Variants in IL1RAPL1 observed in about 807,000 individuals in gnomAD.
The protein encoded by IL1RAPL1 is interleukin 1 receptor accessory protein like 1, also known as interleukin-1 receptor accessory protein-like 1.
In IL1RAPL1, 3 loss-of-function variants were observed where a neutral mutation model predicts 48.4. The ratio of observed to expected loss-of-function variants is 0.06; its 90% CI spans 0.03 to 0.16. The LOEUF is 0.16. Ranked by LOEUF, IL1RAPL1 falls within the 10% of genes least tolerant of loss-of-function variation. The pLI is 1.00. For synonymous variants in IL1RAPL1, 185 were observed against 187.7 expected, an observed-to-expected ratio of 0.99 and a Z score of 0.12; for missense variants, 349 against 530.6, an observed-to-expected ratio of 0.66 and a Z score of 3.36.
chrX:29,617,430 C>T (rs143243692), intron 5 of IL1RAPL1, among the ~76,000 whole-genome samples: 1 of 112,144 alleles, frequency 8.9e-6, no homozygotes, highest in African/African-American at 3.2e-5. Context: ...GGGCTAGATG[C>T]AGAGTCCTCT....
chrX:29,154,644 A>G (rs775354820), intron 2 of IL1RAPL1, among the ~76,000 whole-genome samples: 1 of 112,009 alleles, frequency 8.9e-6, no homozygotes, highest in Non-Finnish European at 1.9e-5. Flanking sequence ...GTCACAATAT[A>G]AAAAATAAAC....
chrX:29,180,412 C>T (rs980692976), intron 2 of IL1RAPL1, among the ~76,000 whole-genome samples: 6 of 109,652 alleles, frequency 5.5e-5, no homozygotes, highest in Non-Finnish European at 1.1e-4. Flanking sequence ...GTTTTGCTGT[C>T]GTTGCCCAGG....
At chrX:29,347,327 A>G (rs1017484541) in intron 3 of IL1RAPL1, among the ~76,000 whole-genome samples, 8 of 109,574 alleles carry the variant, frequency 7.3e-5, no homozygotes, top group African/African-American at 2.7e-4. Context: ...CAGATAGAAA[A>G]TTTCTTCTTA....
At chrX:28,759,601 C>T (rs1936143974) in intron 1 of IL1RAPL1, among the ~76,000 whole-genome samples, 1 of 111,840 alleles carries the variant, frequency 8.9e-6, no homozygotes. Flanking sequence ...ATACATTTGG[C>T]CTGCCTTTTT....
At chrX:28,685,270 C>T (rs1935098404) in intron 1 of IL1RAPL1, among the ~76,000 whole-genome samples, 1 of 112,242 alleles carries the variant, frequency 8.9e-6, no homozygotes, top group Admixed American at 9.4e-5. Flanking sequence ...GTGAGGCCCA[C>T]CATCTCAAGC....
intron 3 of IL1RAPL1, among the ~76,000 whole-genome samples, chrX:29,307,220 G>T (rs1462656657): frequency 8.9e-6 from 1 of 111,931 alleles, no homozygotes; most frequent in Admixed American, 9.5e-5. Context: ...TAATGATGCC[G>T]CATATGTTTT....
chrX:29,897,269 C>T (rs1052711338), intron 6 of IL1RAPL1, among the ~76,000 whole-genome samples: 1 of 111,833 alleles, frequency 8.9e-6, no homozygotes, highest in African/African-American at 3.2e-5. Flanking sequence ...CTACTACTTC[C>T]ACCATTCTTA....
chrX:28,631,728 G>C (rs759646400), intron 1 of IL1RAPL1, among the ~76,000 whole-genome samples: 1 of 112,577 alleles, frequency 8.9e-6, no homozygotes, highest in Non-Finnish European at 1.9e-5. Context: ...GATTAAGAAG[G>C]TTTCAACACT....
At chrX:29,898,861 C>G (rs1490236197) in intron 6 of IL1RAPL1, among the ~76,000 whole-genome samples, 4 of 111,779 alleles carry the variant, frequency 3.6e-5, no homozygotes, top group Non-Finnish European at 5.6e-5. Context: ...GAGTGATAGT[C>G]AGAAAATGGA....
At chrX:29,236,955 G>T (rs1402003004) in intron 2 of IL1RAPL1, among the ~76,000 whole-genome samples, 1 of 110,102 alleles carries the variant, frequency 9.1e-6, no homozygotes, top group Non-Finnish European at 1.9e-5. Flanking sequence ...GAGGACATCT[G>T]TGTTGCACTG....
chrX:29,377,249 T>C (rs996098950), intron 3 of IL1RAPL1, among the ~76,000 whole-genome samples: 8 of 112,302 alleles, frequency 7.1e-5, no homozygotes, highest in Non-Finnish European at 1.5e-4. Flanking sequence ...TGTGGGGGTG[T>C]CATTAGATGT....
intron 2 of IL1RAPL1, among the ~76,000 whole-genome samples, chrX:29,053,008 T>C (rs1927131847): frequency 9.0e-6 from 1 of 111,674 alleles, no homozygotes; most frequent in African/African-American, 3.3e-5. Context: ...AGTTATTTTT[T>C]CTGATCCTCT....
chrX:28,820,667 C>T (rs949286389), intron 2 of IL1RAPL1, among the ~76,000 whole-genome samples: 3 of 111,131 alleles, frequency 2.7e-5, no homozygotes, highest in Non-Finnish European at 5.7e-5. Context: ...AAACTGAAAA[C>T]AGAGAGGTCA....
chrX:29,056,263 A>G (rs183856452), intron 2 of IL1RAPL1, among the ~76,000 whole-genome samples: 120 of 111,480 alleles, frequency 1.1e-3, no homozygotes, highest in Admixed American at 3.9e-3. Context: ...GTACCTGAGG[A>G]TAATTAATAT....
chrX:28,740,261 C>G (rs958490686), intron 1 of IL1RAPL1, among the ~76,000 whole-genome samples: 2 of 111,744 alleles, frequency 1.8e-5, no homozygotes, highest in African/African-American at 6.5e-5. Context: ...GCTGTCTCAA[C>G]CACTGAATTT....
At chrX:29,930,506 A>G (rs1932934911) in intron 8 of IL1RAPL1, among the ~76,000 whole-genome samples, 1 of 111,856 alleles carries the variant, frequency 8.9e-6, no homozygotes, top group African/African-American at 3.2e-5. Context: ...CATTAGAAAG[A>G]GATGCATTAA....
chrX:28,618,135 T>C (rs1396927074), intron 1 of IL1RAPL1, among the ~76,000 whole-genome samples: 2 of 112,336 alleles, frequency 1.8e-5, no homozygotes, highest in Non-Finnish European at 3.8e-5. Flanking sequence ...ATGATTCTGC[T>C]TATCTCTTTG....
Position 28,863,216 on chromosome X carries a change from C to T in IL1RAPL1, c.82+73791C>T, listed in dbSNP as rs763339260. On this transcript the variant is annotated intron_variant, in intron 2 of 10. Coordinates refer to ENST00000378993, the MANE Select transcript of IL1RAPL1 (RefSeq NM_014271.4). ...ATTATTAGATTAAATTGGGGACCTGCAAACTTTTTATACAAAGAGCCAGAT... is the reference window on the plus strand; with the variant it reads ...ATTATTAGATTAAATTGGGGACCTGTAAACTTTTTATACAAAGAGCCAGAT... Among the ~76,000 whole-genome samples, 14 of 111,281 alleles carry T rather than the reference C, an allele frequency of 1.3e-4. No individual in the cohort carries two copies. The East Asian group carries it at 3.9e-3, about 31-fold the overall frequency.
In IL1RAPL1 at chrX:29,532,057, T is replaced by G. The variant is rs147103721; in HGVS notation, c.703+132749T>G. Among the ~76,000 whole-genome samples the G allele has an allele frequency of 8.7e-3, 978 of 111,911 alleles. 22 individuals are homozygous for G. The highest frequency in any genetic ancestry group is 0.076 in the East Asian group (270 of 3,544). ...GAGGGGGGGCGCATAATTCAACCAA[T>G]AACACATAGATAATTACAGTCTAAG... On this transcript the variant is annotated intron_variant, in intron 5 of 10. Coordinates refer to ENST00000378993, the MANE Select transcript of IL1RAPL1 (RefSeq NM_014271.4).
Sources: gnomAD v4.1 joint callset for allele counts (sites outside exome capture counted in the v4.1 genomes callset) on GRCh38, gnomAD v4.1.1 for gene constraint, MANE v1.5 for transcripts, NCBI Gene and HGNC (gene_info 2026-07-23, HGNC 2026-07-21) for gene names.